Variants in TMEM135 observed in about 807,000 individuals in gnomAD.
The protein encoded by TMEM135 is peroxisomal membrane protein 52.
TMEM135 carries 30 observed loss-of-function variants against 60.3 expected under a neutral mutation model. The ratio of observed to expected loss-of-function variants is 0.50; its 90% CI spans 0.37 to 0.68. The LOEUF is 0.68. Among genes scored for constraint, TMEM135 ranks in the 30% least tolerant of loss-of-function variants. TMEM135 has a pLI of 0.00. For missense variants in TMEM135, 468 were observed against 548.8 expected (o/e 0.85, Z 1.47); for synonymous variants, 190 against 186.7 (o/e 1.02, Z -0.14).
intron 5 of TMEM135, among the ~76,000 whole-genome samples, chr11:87,174,545 A>G (rs1028164766): frequency 1.3e-5 from 2 of 152,168 alleles, no homozygotes; most frequent in African/African-American, 4.8e-5. Flanking sequence ...GCAGTGTTAA[A>G]AAGCATGTGG....
intron 5 of TMEM135, among the ~76,000 whole-genome samples, chr11:87,203,619 C>G (rs1323189418): frequency 2.0e-5 from 3 of 152,178 alleles, no homozygotes; most frequent in Non-Finnish European, 4.4e-5. Flanking sequence ...TGGAGAACAT[C>G]TCGGTTGCTT....
intron 6 of TMEM135, among the ~76,000 whole-genome samples, chr11:87,257,392 C>T (rs765582047): frequency 2.6e-5 from 4 of 152,138 alleles, no homozygotes; most frequent in Non-Finnish European, 5.9e-5. Flanking sequence ...AATCAAAAGA[C>T]ACTATAGTGT....
chr11:87,200,342 G>A (rs1940066976), intron 5 of TMEM135, among the ~76,000 whole-genome samples: 1 of 152,074 alleles, frequency 6.6e-6, no homozygotes, highest in South Asian at 2.1e-4. Flanking sequence ...GGTAATCTTG[G>A]AATTCAAGAT....
rs564230832 is a variant in TMEM135 at position 87,182,505 on chromosome 11, C to T, written c.462+25099C>T. The stretch of plus-strand genomic sequence containing the variant: ...TGTGTTTGTGAGCAGAAATTTGAAT[C>T]TCCTTGCATCACTAACATCTAAGTA... On this transcript the variant is annotated intron_variant, in intron 5 of 14. Coordinates refer to ENST00000305494, the MANE Select transcript of TMEM135 (RefSeq NM_022918.4). 2.2e-3 allele frequency among the ~76,000 whole-genome samples: 335 copies of T among 152,228 alleles called. 1 individual carries two copies. The highest frequency in any genetic ancestry group is 3.5e-3 in the Non-Finnish European group (239 of 67,978).
chr11:87,234,483 G>T lies in TMEM135; in HGVS notation c.463-2155G>T, dbSNP rs181561874. ...TCTCCTAATTATTGGTGATATTAGA[G>T]ATTTCAAAAGGGCTGCCTGATTAAA... On this transcript the variant is annotated intron_variant, in intron 5 of 14. Coordinates refer to ENST00000305494, the MANE Select transcript of TMEM135 (RefSeq NM_022918.4). Among the ~76,000 whole-genome samples, 469 of 152,092 alleles carry T rather than the reference G, an allele frequency of 3.1e-3. 2 individuals are homozygous for T. Among genetic ancestry groups the T allele is most frequent in the Middle Eastern group, 6.8e-3 (2 of 294 alleles).
At chr11:87,062,301 G>A (rs1008553418) in intron 1 of TMEM135, among the ~76,000 whole-genome samples, 1 of 147,952 alleles carries the variant, frequency 6.8e-6, no homozygotes, top group African/African-American at 2.5e-5. Flanking sequence ...ACTGCATCTA[G>A]CCCCTTTTTC....
chr11:87,118,648 C>G (rs1857957780), intron 4 of TMEM135, among the ~76,000 whole-genome samples: 1 of 152,092 alleles, frequency 6.6e-6, no homozygotes, highest in East Asian at 1.9e-4. Flanking sequence ...TGGGGTTTCA[C>G]TATGTTGGCC....
At chr11:87,099,606 A>G (rs1386184455) in intron 4 of TMEM135, among the ~76,000 whole-genome samples, 1 of 146,308 alleles carries the variant, frequency 6.8e-6, no homozygotes, top group African/African-American at 2.5e-5. Flanking sequence ...ACAGATTTTC[A>G]TGTTTTTATT....
intron 4 of TMEM135, among the ~76,000 whole-genome samples, chr11:87,101,073 A>T (rs1229687668): frequency 6.6e-6 from 1 of 152,224 alleles, no homozygotes; most frequent in African/African-American, 2.4e-5. Context: ...CAATTTAAAA[A>T]ATAGTAGTTT....
intron 5 of TMEM135, among the ~76,000 whole-genome samples, chr11:87,228,198 A>G (rs1372430658): frequency 6.6e-6 from 1 of 152,178 alleles, no homozygotes; most frequent in Non-Finnish European, 1.5e-5. Context: ...GGCAACAAGA[A>G]TCAAGTATTA....
At chr11:87,304,097 A>T (rs774786852) in intron 8 of TMEM135, among the ~76,000 whole-genome samples, 1 of 152,248 alleles carries the variant, frequency 6.6e-6, no homozygotes, top group East Asian at 1.9e-4. Context: ...TAGGCCAGGC[A>T]TGGTGGCTCA....
chr11:87,235,535 A>T (rs1940977276), intron 5 of TMEM135, among the ~76,000 whole-genome samples: 1 of 151,910 alleles, frequency 6.6e-6, no homozygotes, highest in Non-Finnish European at 1.5e-5. Flanking sequence ...CATCAGGTTG[A>T]CTAGAAATTA....
At chr11:87,126,995 A>T (rs1039472053) in intron 4 of TMEM135, among the ~76,000 whole-genome samples, 2 of 152,114 alleles carry the variant, frequency 1.3e-5, no homozygotes, top group African/African-American at 4.8e-5. Context: ...AAGTGTAGAT[A>T]AAAAAGTCTG....
intron 4 of TMEM135, among the ~76,000 whole-genome samples, chr11:87,142,247 C>T (rs370442420): frequency 1.5e-4 from 23 of 152,026 alleles, no homozygotes; most frequent in Middle Eastern, 3.2e-3. Context: ...TAGGGAGTTG[C>T]CTAGGGGTGC....
intron 4 of TMEM135, among the ~76,000 whole-genome samples, chr11:87,124,273 G>T (rs1365262563): frequency 6.6e-6 from 1 of 152,174 alleles, no homozygotes; most frequent in African/African-American, 2.4e-5. Context: ...AGGAAAAAAT[G>T]GAACTAGGGC....
chr11:87,122,845 G>A lies in TMEM135; in HGVS notation c.396+31450G>A, dbSNP rs573716098. Among the ~76,000 whole-genome samples the A allele has an allele frequency of 3.9e-5, 6 of 152,266 alleles. No homozygotes were observed. In the East Asian group the frequency reaches 1.2e-3, roughly 29 times the overall value. ...GCAGTACTCATCAGTACTCAGTACT[G>A]CACCTGAACCCTCTCTCAGGTATTA... On this transcript the variant is annotated intron_variant, in intron 4 of 14. Coordinates refer to ENST00000305494, the MANE Select transcript of TMEM135 (RefSeq NM_022918.4).
chr11:87,053,152 T>C (rs1949854959), intron 1 of TMEM135, among the ~76,000 whole-genome samples: 1 of 93,086 alleles, frequency 1.1e-5, no homozygotes, highest in Non-Finnish European at 1.8e-5. Context: ...TATCACACTC[T>C]GGGGACTGTG....
chr11:87,275,029 G>T (rs1329609185), intron 6 of TMEM135, among the ~76,000 whole-genome samples: 1 of 151,180 alleles, frequency 6.6e-6, no homozygotes, highest in Non-Finnish European at 1.5e-5. Flanking sequence ...TTAATATTTT[G>T]TTGTAATATT....
chr11:87,069,821 C>T (rs377157585), intron 2 of TMEM135, among the ~76,000 whole-genome samples: 1 of 152,036 alleles, frequency 6.6e-6, no homozygotes. Context: ...AAAAAATACC[C>T]AAGTTACATG....
Sources: allele counts gnomAD v4.1 joint callset (sites outside exome capture counted in the v4.1 genomes callset), GRCh38; gene constraint gnomAD v4.1.1; transcripts MANE v1.5; gene names NCBI Gene and HGNC (gene_info 2026-07-23, HGNC 2026-07-21).